Variants in MYNN observed in about 807,000 individuals in gnomAD.
MYNN encodes zinc finger and BTB domain-containing protein 31.
In MYNN, 22 loss-of-function variants were observed where a neutral mutation model predicts 57.2. That is an observed-to-expected ratio of 0.38 (90% CI 0.27 to 0.55). The LOEUF is 0.55. Ranked by LOEUF, MYNN falls within the 20% of genes least tolerant of loss-of-function variation. The pLI, the probability that MYNN is intolerant of heterozygous loss-of-function variation, is 0.71. For synonymous variants in MYNN, 241 were observed against 257.1 expected (o/e 0.94, Z 0.60); for missense variants, 566 against 723.1 (o/e 0.78, Z 2.49).
intron 6 of MYNN, among the ~76,000 whole-genome samples, chr3:169,784,037 C>G (rs1213852104): frequency 6.6e-6 from 1 of 151,902 alleles, no homozygotes; most frequent in Non-Finnish European, 1.5e-5. Flanking sequence ...GAGTACTGTT[C>G]TGACATTCTC....
chr3:169,773,757 A>G (rs1027316449), intron 1 of MYNN, among the ~76,000 whole-genome samples: 2 of 152,146 alleles, frequency 1.3e-5, no homozygotes, highest in African/African-American at 4.8e-5. Context: ...AGCGCGAGTG[A>G]TAGAACCTTT....
Position 169,789,509 on chromosome 3 carries a change from TAG to T in MYNN, c.*2834_*2835del, listed in dbSNP as rs1778764705. 1 of 152,236 alleles carries T rather than the reference TAG, an allele frequency of 6.6e-6. No individual in the cohort carries two copies. The highest frequency in any genetic ancestry group is 2.4e-5 in the African/African-American group (1 of 41,462). 9.4% of individuals were successfully genotyped at this position (152,236 alleles called of 1,614,324 possible). A position where few individuals can be genotyped will look rare whatever the true frequency, so the allele number is the denominator to read the frequency against. ...GTGATTTTAATGTATACCAAACATG[TAG>T]AGTCTCACTCTGTTGCCCAGGCTGG... On this transcript the variant is annotated 3_prime_UTR_variant, in exon 8 of 8. Transcript: ENST00000349841.
At chr3:169,774,704 C>T in intron 2 of MYNN, 143 bp downstream of exon 2, 1 of 755,790 alleles carries the variant, frequency 1.3e-6, no homozygotes, top group Admixed American at 2.7e-5. Flanking sequence ...ATAAAGAAAT[C>T]AGTATCACTG....
chr3:169,784,812 A>C (rs1778623448), intron 7 of MYNN, 104 bp downstream of exon 7: 2 of 663,086 alleles, frequency 3.0e-6, no homozygotes, highest in Non-Finnish European at 4.9e-6. Flanking sequence ...TAAGCAGTTT[A>C]AATTAGATGT....
At chr3:169,779,672 C>G in intron 3 of MYNN, 111 bp downstream of exon 3, 7 of 1,113,224 alleles carry the variant, frequency 6.3e-6, no homozygotes, top group Non-Finnish European at 8.8e-6. Context: ...GTATATTTTT[C>G]TATTCATCAA....
Position 169,779,189 on chromosome 3 carries a change from AATG to A in MYNN, c.691_693del (p.Asp231del), listed in dbSNP as rs769247598. 26 of 1,614,102 alleles carry A rather than the reference AATG, an allele frequency of 1.6e-5. No individual in the cohort carries two copies. The highest frequency in any genetic ancestry group is 6.7e-5 in the Admixed American group (4 of 60,012). On this transcript the variant is annotated inframe_deletion, in exon 3 of 8. Coordinates refer to ENST00000349841, the MANE Select transcript of MYNN (RefSeq NM_018657.5). Reference sequence around the variant, plus strand: ...TGTAGTAGAACAAGTTGCACAAATAAATGATAATTCAGAACTCGAGTTGACATC... The same window carrying A: ...TGTAGTAGAACAAGTTGCACAAATAAATAATTCAGAACTCGAGTTGACATC...
rs894817160 is a variant in MYNN, at chr3:169,788,780, C to T, written c.*2102C>T. On this transcript the variant is annotated 3_prime_UTR_variant, in exon 8 of 8. Coordinates refer to ENST00000349841, the MANE Select transcript of MYNN (RefSeq NM_018657.5). ...TTTAAATTGACATGGCTTGAGTTGTCATCATTTTCTGCTCTTCTAGAATGA... is the reference window on the plus strand; with the variant it reads ...TTTAAATTGACATGGCTTGAGTTGTTATCATTTTCTGCTCTTCTAGAATGA... 17 of 152,126 alleles carry T rather than the reference C, an allele frequency of 1.1e-4. No individual in the cohort carries two copies. The highest frequency in any genetic ancestry group is 3.6e-4 in the African/African-American group (15 of 41,440). The allele number at this position is 152,126 out of a possible 1,614,324, so 9.4% of individuals were successfully genotyped here. A position where few individuals can be genotyped will look rare whatever the true frequency, so the allele number is the denominator to read the frequency against.
At chr3:169,775,040 A>G (rs921193729) in intron 2 of MYNN, among the ~76,000 whole-genome samples, 2 of 152,104 alleles carry the variant, frequency 1.3e-5, no homozygotes, top group East Asian at 1.9e-4. Flanking sequence ...GGGTTTCACC[A>G]TGCTGGCCAG....
chr3:169,789,643 C>T lies in MYNN; in HGVS notation c.*2965C>T, dbSNP rs1419047309. On this transcript the variant is annotated 3_prime_UTR_variant, in exon 8 of 8. Coordinates refer to ENST00000349841, the MANE Select transcript of MYNN (RefSeq NM_018657.5). ...CTGGTACTACAGGTGCGCGCCACCA[C>T]ACCTGACTAATTTTTGTTAGAGATG... 1 of 152,172 alleles carries T rather than the reference C, an allele frequency of 6.6e-6. No individual in the cohort carries two copies. The highest frequency in any genetic ancestry group is 1.5e-5 in the Non-Finnish European group (1 of 68,052). The allele number at this position is 152,172 out of a possible 1,614,324, so 9.4% of individuals were successfully genotyped here.
At chr3:169,779,891 A>T (rs1433845583) in intron 3 of MYNN, 1 of 290,136 alleles carries the variant, frequency 3.4e-6, no homozygotes, top group African/African-American at 2.1e-5. Context: ...ATTTTCAGAT[A>T]TTGCCAACAC....
chr3:169,780,482 A>AGTTAACATT, intron 3 of MYNN, 108 bp from the exon 4 acceptor site: 1 of 703,978 alleles, frequency 1.4e-6, no homozygotes, highest in Non-Finnish European at 2.2e-6. Flanking sequence ...CAGTTCCAAC[A>AGTTAACATT]GTTAACATTT....
intron 1 of MYNN, 177 bp from the exon 2 acceptor site, chr3:169,774,088 G>C: frequency 5.2e-6 from 3 of 575,354 alleles, no homozygotes; most frequent in Non-Finnish European, 3.1e-6. Context: ...GATTGTGTTA[G>C]TTGATCAAGG....
chr3:169,783,780 G>GA (rs1778590582), intron 6 of MYNN: 1 of 604,910 alleles, frequency 1.7e-6, no homozygotes, highest in Admixed American at 2.3e-5. Context: ...GGTTTTCCAA[G>GA]AAATATGCCA....
chr3:169,784,734 G>T, intron 7 of MYNN, 26 bp downstream of exon 7: 2 of 1,437,068 alleles, frequency 1.4e-6, no homozygotes, highest in South Asian at 2.5e-5. Context: ...TTGTTTGCTT[G>T]TTTGTTTGTT....
intron 7 of MYNN, among the ~76,000 whole-genome samples, chr3:169,785,398 TAAAC>T (rs1778648680): frequency 1.3e-5 from 2 of 151,944 alleles, no homozygotes; most frequent in African/African-American, 4.8e-5. Flanking sequence ...AATATGAAGT[TAAAC>T]AAGGCATAGT....
Position 169,788,922 on chromosome 3 carries a change from AT to A in MYNN, c.*2245del, listed in dbSNP as rs1163908680. On this transcript the variant is annotated 3_prime_UTR_variant, in exon 8 of 8. Coordinates refer to ENST00000349841, the MANE Select transcript of MYNN (RefSeq NM_018657.5). ...TGTATCTGGTATCATTCTAACACTC[AT>A]AACTACCATTTTAGTTAAGTCCAAC... 2 of 152,146 alleles carry A rather than the reference AT, an allele frequency of 1.3e-5. No homozygotes were observed. Among genetic ancestry groups the A allele is most frequent in the Non-Finnish European group, 2.9e-5 (2 of 68,004 alleles). 9.4% of individuals were successfully genotyped at this position (152,146 alleles called of 1,614,324 possible). A position where few individuals can be genotyped will look rare whatever the true frequency, so the allele number is the denominator to read the frequency against.
intron 4 of MYNN, 52 bp downstream of exon 4, chr3:169,780,801 CT>C: frequency 2.9e-6 from 4 of 1,388,340 alleles, no homozygotes; most frequent in African/African-American, 1.5e-5. Flanking sequence ...TCACCATAGT[CT>C]TATGAATAGA....
intron 1 of MYNN, chr3:169,773,953 A>T (rs967072113): frequency 1.6e-5 from 4 of 242,922 alleles, no homozygotes. Flanking sequence ...TTTTTGTAAC[A>T]TAAGTATGTC....
intron 2 of MYNN, among the ~76,000 whole-genome samples, chr3:169,775,757 A>C (rs930338672): frequency 6.6e-6 from 1 of 152,078 alleles, no homozygotes; most frequent in Non-Finnish European, 1.5e-5. Flanking sequence ...TAACCTTTTG[A>C]TATATATTAA....
Sources: allele counts gnomAD v4.1 joint callset (sites outside exome capture counted in the v4.1 genomes callset), GRCh38; gene constraint gnomAD v4.1.1; transcripts MANE v1.5; gene names NCBI Gene and HGNC (gene_info 2026-07-23, HGNC 2026-07-21).